The following PUS10 variants were observed in gnomAD, a reference collection of about 807,000 sequenced individuals.
PUS10 encodes the protein tRNA pseudouridine synthase Pus10.
Under a neutral mutation model 75.0 loss-of-function variants are expected in PUS10, and 59 were observed. That is an observed-to-expected ratio of 0.79 (90% CI 0.64 to 0.98). The LOEUF (loss-of-function observed/expected upper bound fraction) is 0.98. Among genes scored for constraint, PUS10 ranks in the 50% least tolerant of loss-of-function variants. The pLI is 0.00. For synonymous variants in PUS10, 219 were observed against 211.6 expected, an observed-to-expected ratio of 1.03 and a Z score of -0.30; for missense variants, 650 against 614.4, an observed-to-expected ratio of 1.06 and a Z score of -0.61.
In PUS10 at chr2:61,011,836, C is replaced by T. The variant is rs1679622707; in HGVS notation, c.55G>A (p.Gly19Ser). 1 of 1,610,066 alleles carries T rather than the reference C, an allele frequency of 6.2e-7. No homozygotes were observed. Among genetic ancestry groups the T allele is most frequent in the African/African-American group, 1.3e-5 (1 of 74,616 alleles). Residue 19 changes from glycine (G) to serine (S), a missense_variant, in exon 2 of 18, where the codon GGT becomes AGT. By Grantham distance (56) the Gly-to-Ser change is moderately conservative. Coordinates refer to ENST00000316752, the MANE Select transcript of PUS10 (RefSeq NM_144709.4). Reference sequence around the variant, plus strand: ...CTGAAGATACATCTTGGACAAGTACCAGTATTGAGCAACAACTGGGCCACA... The same window carrying T: ...CTGAAGATACATCTTGGACAAGTACTAGTATTGAGCAACAACTGGGCCACA... ...KHVAQLLLNT[G>S]TCPRCIFRFC... is the part of the protein sequence containing the mutation.
intron 11 of PUS10, among the ~76,000 whole-genome samples, chr2:60,956,974 C>CAAAAAAAAAAAAAAAAAAAAAAAAA (rs56804354): frequency 5.2e-5 from 1 of 19,248 alleles, no homozygotes; most frequent in African/African-American, 1.6e-4. Context: ...GACTCCATCT[C>CAAAAAAAAAAAAAAAAAAAAAAAAA]AAAAAAAAAA....
At position 61,018,023 on chromosome 2, in the gene PUS10, T is replaced by TCTA. The variant is rs1486907910; in HGVS notation, c.-32_-31insTAG. ...GGGCGCTTACCAGTGGGGACTTTAG[T>TCTA]GTCTCACAGCTGTTTCTGACCCGGC... On this transcript the variant is annotated 5_prime_UTR_variant, in exon 1 of 18. Transcript: ENST00000316752. 9 of 1,396,012 alleles carry TCTA rather than the reference T, an allele frequency of 6.4e-6. No individual in the cohort carries two copies. The highest frequency in any genetic ancestry group is 8.6e-6 in the Non-Finnish European group (9 of 1,043,668). The allele number at this position is 1,396,012 out of a possible 1,614,324, so 86.5% of individuals were successfully genotyped here.
chr2:60,957,756 G>A (rs531452893), intron 11 of PUS10, among the ~76,000 whole-genome samples: 1 of 152,362 alleles, frequency 6.6e-6, no homozygotes, highest in African/African-American at 2.4e-5. Flanking sequence ...TCTGCCCTAT[G>A]GCCGTGTGTC....
In PUS10 at chr2:60,965,254, G is replaced by C. The variant is rs982182445; in HGVS notation, c.678-151C>G. The C allele has an allele frequency of 2.1e-5, 21 of 991,302 alleles. No homozygotes were observed. In the African/African-American group the frequency reaches 3.3e-4, roughly 15 times the overall value. 61.4% of individuals were successfully genotyped at this position (991,302 alleles called of 1,614,324 possible). ...TGTATGAGCTATATCGGTTTGCCCA[G>C]GAACTATGTTCAAGGACACATTTTA... On this transcript the variant is annotated intron_variant, in intron 7 of 17. Coordinates refer to ENST00000316752, the MANE Select transcript of PUS10 (RefSeq NM_144709.4).
At chr2:61,014,485 A>G (rs998454617) in intron 1 of PUS10, among the ~76,000 whole-genome samples, 2 of 152,248 alleles carry the variant, frequency 1.3e-5, no homozygotes, top group Non-Finnish European at 2.9e-5. Context: ...TTTGCAATTT[A>G]AATAAACTCA....
intron 11 of PUS10, among the ~76,000 whole-genome samples, chr2:60,959,976 C>T (rs1320536068): frequency 6.6e-6 from 1 of 151,394 alleles, no homozygotes; most frequent in South Asian, 2.1e-4. Context: ...CCCAGGAGTT[C>T]GAGACCAGCC....
chr2:61,012,184 A>T (rs1364346971), intron 1 of PUS10, among the ~76,000 whole-genome samples: 1 of 152,198 alleles, frequency 6.6e-6, no homozygotes, highest in Non-Finnish European at 1.5e-5. Context: ...AAGAAATAAA[A>T]ATAATCAAGA....
intron 11 of PUS10, among the ~76,000 whole-genome samples, chr2:60,959,089 G>A (rs976843013): frequency 2.0e-5 from 3 of 152,130 alleles, no homozygotes; most frequent in African/African-American, 4.8e-5. Context: ...ACCTGGGCTC[G>A]TTAATACCTA....
chr2:60,965,556 G>T, intron 6 of PUS10, 72 bp from the exon 7 acceptor site: 1 of 1,068,090 alleles, frequency 9.4e-7, no homozygotes, highest in Non-Finnish European at 1.4e-6. Context: ...AATGGAAATA[G>T]AAATTAATTC....
At chr2:61,006,003 T>C in intron 4 of PUS10, among the ~76,000 whole-genome samples, 1 of 152,358 alleles carries the variant, frequency 6.6e-6, no homozygotes, top group Admixed American at 6.5e-5. Context: ...AGCAAAGCTT[T>C]ATGTTTTCAT....
At chr2:60,996,247 C>T (rs1373538099) in intron 4 of PUS10, among the ~76,000 whole-genome samples, 1 of 152,208 alleles carries the variant, frequency 6.6e-6, no homozygotes, top group Admixed American at 6.5e-5. Flanking sequence ...TCAATATCTG[C>T]TTTGACTCTT....
chr2:60,943,808 T>C (rs1674771946), intron 17 of PUS10, among the ~76,000 whole-genome samples: 1 of 150,976 alleles, frequency 6.6e-6, no homozygotes, highest in African/African-American at 2.5e-5. Context: ...GGGAGGCAAG[T>C]TGTAGTGCTT....
Position 60,945,023 on chromosome 2 carries a change from C to T in PUS10, c.1537G>A (p.Glu513Lys). 6.2e-7 allele frequency: 1 copy of T among 1,612,942 alleles called. No homozygotes were observed. The highest frequency in any genetic ancestry group is 8.5e-7 in the Non-Finnish European group (1 of 1,178,944). Residue 513 changes from glutamate (E) to lysine (K), a missense_variant, in exon 17 of 18, where the codon GAG becomes AAG. Coordinates refer to ENST00000316752, the MANE Select transcript of PUS10 (RefSeq NM_144709.4). ...SLMNVTADIL[E>K]LDVESVDVDW... ...AAATGGTTTACCTCAACATCCAGCT[C>T]CAGAATGTCTGCAGTCACATTCATC...
chr2:60,959,529 T>C (rs575705960), intron 11 of PUS10, among the ~76,000 whole-genome samples: 51 of 152,262 alleles, frequency 3.3e-4, no homozygotes, highest in African/African-American at 1.1e-3. Flanking sequence ...GCTGGGACTA[T>C]TGGTGCGCAC....
At position 60,941,400 on chromosome 2, in the gene PUS10, T is replaced by C. The variant is rs1324101798; in HGVS notation, c.*995A>G. The C allele has an allele frequency of 3.3e-5, 5 of 152,278 alleles. No individual in the cohort carries two copies. Among genetic ancestry groups the C allele is most frequent in the Non-Finnish European group, 7.4e-5 (5 of 67,984 alleles). 9.4% of individuals were successfully genotyped at this position (152,278 alleles called of 1,614,324 possible). A position where few individuals can be genotyped will look rare whatever the true frequency, so the allele number is the denominator to read the frequency against. On this transcript the variant is annotated 3_prime_UTR_variant, in exon 18 of 18. Coordinates refer to ENST00000316752, the MANE Select transcript of PUS10 (RefSeq NM_144709.4). ...AACAGGTGCTCAGTAATAGGGCTTA[T>C]TAGAAAGACCCTAGAAACCAAGAAA...
At chr2:60,974,207 G>C (rs576300345) in intron 4 of PUS10, among the ~76,000 whole-genome samples, 1 of 142,040 alleles carries the variant, frequency 7.0e-6, no homozygotes, top group Admixed American at 7.2e-5. Flanking sequence ...ACTTGATAAA[G>C]CTCCTTTTTT....
At chr2:60,977,273 T>A (rs1677091593) in intron 4 of PUS10, among the ~76,000 whole-genome samples, 1 of 151,828 alleles carries the variant, frequency 6.6e-6, no homozygotes, top group African/African-American at 2.4e-5. Context: ...CAGAGAGAGG[T>A]GTTAAAAATG....
rs762778134 is a variant in PUS10 at position 60,965,099 on chromosome 2, CAGCTCTA to C, written c.678-3_681del. 6.2e-7 allele frequency: 1 copy of C among 1,613,278 alleles called. No homozygotes were observed. Among genetic ancestry groups the C allele is most frequent in the African/African-American group, 1.3e-5 (1 of 75,012 alleles). Reference sequence around the variant, plus strand: ...GGCTTAAAACAATCTGGGCATATCGCAGCTCTAAAATAAAATTCAAGTTAATATAAAA... The same window carrying C: ...GGCTTAAAACAATCTGGGCATATCGCAAATAAAATTCAAGTTAATATAAAA... On this transcript the variant is annotated splice_acceptor_variant and splice_polypyrimidine_tract_variant and coding_sequence_variant and intron_variant, in exon 8 of 18. Coordinates refer to ENST00000316752, the MANE Select transcript of PUS10 (RefSeq NM_144709.4). LOFTEE classifies it high-confidence loss of function.
At chr2:60,960,605 T>G in intron 10 of PUS10, 88 bp from the exon 11 acceptor site, 1 of 1,221,722 alleles carries the variant, frequency 8.2e-7, no homozygotes, top group Non-Finnish European at 1.1e-6. Context: ...TAAGGGCCAA[T>G]ATCCTAAGTG....
Sources: allele counts gnomAD v4.1 joint callset (sites outside exome capture counted in the v4.1 genomes callset), GRCh38; gene constraint gnomAD v4.1.1; transcripts MANE v1.5; gene names NCBI Gene and HGNC (gene_info 2026-07-23, HGNC 2026-07-21).